Variants in HELQ observed in about 807,000 individuals in gnomAD.
HELQ encodes helicase, POLQ like.
HELQ carries 77 observed loss-of-function variants against 111.6 expected under a neutral mutation model. That is an observed-to-expected ratio of 0.69 (90% CI 0.57 to 0.83). The LOEUF is 0.83. Among genes scored for constraint, HELQ ranks in the 40% least tolerant of loss-of-function variants. The pLI is 0.00. For synonymous variants in HELQ, 438 were observed against 454.7 expected, an observed-to-expected ratio of 0.96 and a Z score of 0.47; for missense variants, 1,200 against 1,288.5, an observed-to-expected ratio of 0.93 and a Z score of 1.05.
chr4:83,410,532 T>C (rs1739030922), intron 17 of HELQ, among the ~76,000 whole-genome samples: 1 of 152,042 alleles, frequency 6.6e-6, no homozygotes, highest in Non-Finnish European at 1.5e-5. Context: ...AATATATTAA[T>C]AAACACAGGG....
chr4:83,427,756 T>C (rs749974903), intron 12 of HELQ, 36 bp from the exon 13 acceptor site: 2 of 1,396,904 alleles, frequency 1.4e-6, no homozygotes, highest in Non-Finnish European at 1.9e-6. Context: ...TCTTTCACAA[T>C]TACCAGAGGG....
intron 13 of HELQ, 117 bp from the exon 14 acceptor site, chr4:83,426,209 T>C: frequency 1.6e-6 from 1 of 637,398 alleles, no homozygotes; most frequent in African/African-American, 1.8e-5. Flanking sequence ...ACAAGATAAA[T>C]ATATTTGTAA....
At chr4:83,438,343 C>T (rs1397915679) in intron 8 of HELQ, among the ~76,000 whole-genome samples, 2 of 152,134 alleles carry the variant, frequency 1.3e-5, no homozygotes, top group African/African-American at 2.4e-5. Flanking sequence ...TCTATGAATA[C>T]GACAGAGCCA....
At chr4:83,451,004 C>T (rs1051107202) in intron 2 of HELQ, among the ~76,000 whole-genome samples, 1 of 152,164 alleles carries the variant, frequency 6.6e-6, no homozygotes, top group African/African-American at 2.4e-5. Flanking sequence ...AACAAATTTC[C>T]AGGTGATGTT....
At chr4:83,429,286 A>G (rs545126055) in intron 12 of HELQ, among the ~76,000 whole-genome samples, 1 of 152,122 alleles carries the variant, frequency 6.6e-6, no homozygotes, top group South Asian at 2.1e-4. Context: ...AGCTGGGACT[A>G]CAGGCATGTA....
At chr4:83,426,487 A>T (rs1372685733) in intron 13 of HELQ, among the ~76,000 whole-genome samples, 1 of 152,136 alleles carries the variant, frequency 6.6e-6, no homozygotes, top group African/African-American at 2.4e-5. Context: ...TGATTTAAAA[A>T]TATGACATTA....
At chr4:83,449,367 A>T (rs1305643413) in intron 2 of HELQ, among the ~76,000 whole-genome samples, 2 of 152,260 alleles carry the variant, frequency 1.3e-5, no homozygotes, top group East Asian at 3.8e-4. Flanking sequence ...TCATTCAGCC[A>T]AAAGCCATCT....
At chr4:83,408,615 T>C (rs182507584) in intron 17 of HELQ, among the ~76,000 whole-genome samples, 1 of 151,300 alleles carries the variant, frequency 6.6e-6, no homozygotes, top group Admixed American at 6.6e-5. Context: ...GATCTCCCTA[T>C]GTTGTCCAGG....
rs778863270 is a variant in HELQ, at chr4:83,436,995, T to C, written c.1911A>G (p.Pro637=). 1.3e-5 allele frequency: 21 copies of C among 1,614,050 alleles called. 1 individual carries two copies. In the South Asian group the frequency reaches 2.1e-4, roughly 16 times the overall value. ...NLCPVLKRTI[P]FGVAYHHSGL... Reference sequence around the variant, plus strand: ...CACTGTGGTGATAGGCAACTCCAAATGGGATAGTGCGCTTTAAAACAGGAC... The same window carrying C: ...CACTGTGGTGATAGGCAACTCCAAACGGGATAGTGCGCTTTAAAACAGGAC... Residue 637 remains proline, a synonymous_variant, in exon 9 of 18, where the codon CCA becomes CCG. Coordinates refer to ENST00000295488, the MANE Select transcript of HELQ (RefSeq NM_133636.5).
chr4:83,444,139 T>C (rs935895347), intron 5 of HELQ, among the ~76,000 whole-genome samples: 1 of 152,156 alleles, frequency 6.6e-6, no homozygotes, highest in African/African-American at 2.4e-5. Context: ...ACTTAGAAGT[T>C]TACAGAGTTT....
chr4:83,455,341 T>G lies in HELQ; in HGVS notation c.297+56A>C, dbSNP rs1009602263. ...GAAGGCGATAAAACTGGTCAACTCT[T>G]TGCATCTGGGAAGGATGCCAAAAGT... is the stretch of plus-strand genomic sequence containing the variant. On this transcript the variant is annotated intron_variant, in intron 1 of 17. Transcript: ENST00000295488. 1.6e-5 allele frequency: 25 copies of G among 1,583,152 alleles called. No homozygotes were observed. The African/African-American group carries it at 3.2e-4, about 20-fold the overall frequency.
rs1438432073 is a variant in HELQ, at chr4:83,453,514, G to T, written c.729C>A (p.Pro243=). The T allele has an allele frequency of 6.2e-7, 1 of 1,613,736 alleles. No individual in the cohort carries two copies. The highest frequency in any genetic ancestry group is 1.7e-5 in the Admixed American group (1 of 59,942). ...EELPHNCIEQ[P]QQNDESSSKV... ...TGGAAGAGGACTCATCATTTTGCTG[G>T]GGTTGCTCTATGCAATTATGGGGCA... Residue 243 remains proline (P), a synonymous_variant, in exon 2 of 18, where the codon CCC becomes CCA. Coordinates refer to ENST00000295488, the MANE Select transcript of HELQ (RefSeq NM_133636.5).
intron 6 of HELQ, among the ~76,000 whole-genome samples, chr4:83,442,105 TACC>T (rs2110002165): frequency 6.6e-6 from 1 of 152,200 alleles, no homozygotes; most frequent in East Asian, 1.9e-4. Context: ...TAATTCTAAA[TACC>T]ACCACACTAT....
At chr4:83,418,021 C>A in intron 16 of HELQ, 72 bp downstream of exon 16, 1 of 782,306 alleles carries the variant, frequency 1.3e-6, no homozygotes, top group Non-Finnish European at 2.1e-6. Context: ...ATTAAGACTT[C>A]AGAAAATAAT....
At chr4:83,451,500 A>G (rs894122578) in intron 2 of HELQ, among the ~76,000 whole-genome samples, 4 of 147,198 alleles carry the variant, frequency 2.7e-5, no homozygotes, top group Admixed American at 2.0e-4. Flanking sequence ...GTCTCTACTA[A>G]AAATACAAAA....
At chr4:83,414,659 ATG>A (rs1425713270) in intron 17 of HELQ, among the ~76,000 whole-genome samples, 22 of 152,324 alleles carry the variant, frequency 1.4e-4, no homozygotes, top group African/African-American at 5.1e-4. Context: ...GTTTGAACCT[ATG>A]AGCACATACT....
intron 17 of HELQ, among the ~76,000 whole-genome samples, chr4:83,414,519 C>T (rs1196537207): frequency 6.6e-6 from 1 of 152,174 alleles, no homozygotes; most frequent in East Asian, 1.9e-4. Context: ...TAAGAAAATA[C>T]TTCAAGAATG....
In HELQ at chr4:83,455,764, A is replaced by G. The variant is rs2110023644; in HGVS notation, c.-71T>C. ...GACGCTAAGCCCATATGGAAGGGAG[A>G]GTGGGACGCCGGAGCCCGCTTCTAC... On this transcript the variant is annotated 5_prime_UTR_variant, in exon 1 of 18. Coordinates refer to ENST00000295488, the MANE Select transcript of HELQ (RefSeq NM_133636.5). 2 of 1,443,330 alleles carry G rather than the reference A, an allele frequency of 1.4e-6. No homozygotes were observed. The highest frequency in any genetic ancestry group is 9.4e-7 in the Non-Finnish European group (1 of 1,060,800). The allele number at this position is 1,443,330 out of a possible 1,614,324, so 89.4% of individuals were successfully genotyped here. A position where few individuals can be genotyped will look rare whatever the true frequency, so the allele number is the denominator to read the frequency against.
rs928681098 is a variant in HELQ at position 83,431,330 on chromosome 4, CT to C, written c.2295+333del. Among the ~76,000 whole-genome samples the C allele has an allele frequency of 9.5e-3, 1,391 of 145,834 alleles. 20 individuals carry two copies. Among genetic ancestry groups the C allele is most frequent in the African/African-American group, 0.032 (1,271 of 40,182 alleles). ...TTGCCAAGCATTAGGATTCAGTGAT[CT>C]TTTTTTTTTTGAGATGGGGTCTTGC... On this transcript the variant is annotated intron_variant, in intron 11 of 17. Transcript: ENST00000295488.
Sources: gnomAD v4.1 joint callset for allele counts (sites outside exome capture counted in the v4.1 genomes callset) on GRCh38, gnomAD v4.1.1 for gene constraint, MANE v1.5 for transcripts, NCBI Gene and HGNC (gene_info 2026-07-23, HGNC 2026-07-21) for gene names.